The following SPECC1 variants were observed in gnomAD, a reference collection of about 807,000 sequenced individuals.
SPECC1 encodes the protein sperm antigen with calponin homology and coiled-coil domains 1.
A neutral mutation model predicts 104.1 loss-of-function variants in SPECC1; 62 were observed. That is an observed-to-expected ratio of 0.60 (90% confidence interval 0.49 to 0.74). The LOEUF is 0.74. SPECC1 is among the 30% of genes least tolerant of loss of function. SPECC1 has a pLI of 0.00. For synonymous variants in SPECC1, 513 were observed against 501.6 expected, an observed-to-expected ratio of 1.02 and a Z score of -0.30; for missense variants, 1,306 against 1,310.5, an observed-to-expected ratio of 1.00 and a Z score of 0.05.
chr17:20,021,682 TA>T (rs1201599807), intron 1 of SPECC1, among the ~76,000 whole-genome samples: 2 of 138,734 alleles, frequency 1.4e-5, no homozygotes, highest in Non-Finnish European at 3.1e-5. Flanking sequence ...TATAATATAA[TA>T]ATATATATAT....
rs1181490386 is a variant in SPECC1, at chr17:20,253,566, T to C, written c.2660T>C (p.Leu887Pro). 1 of 1,613,964 alleles carries C rather than the reference T, an allele frequency of 6.2e-7. No homozygotes were observed. The highest frequency in any genetic ancestry group is 8.5e-7 in the Non-Finnish European group (1 of 1,180,040). ...AGAGGGGTGACTCAACGCTTGGACC[T>C]TCCTGACCTTCCCCTCTCAGGTAAA... The part of the protein sequence containing the change: ...ASRGVTQRLD[L>P]PDLPLSDILK... The change falls in exon 10 of 15, where the codon CTT (leucine) becomes CCT (proline). Residue 887 changes from leucine (L) to proline (P), a missense_variant. By Grantham distance (98) the Leu-to-Pro change is moderately conservative. Coordinates refer to ENST00000395527, the MANE Select transcript of SPECC1 (RefSeq NM_001243439.2).
At chr17:20,173,474 A>G (rs925232956) in intron 3 of SPECC1, among the ~76,000 whole-genome samples, 17 of 152,240 alleles carry the variant, frequency 1.1e-4, no homozygotes, top group African/African-American at 4.1e-4. Flanking sequence ...ACCTGGGCTC[A>G]CAAATGATTA....
At chr17:20,280,322 C>T (rs572064818) in intron 12 of SPECC1, among the ~76,000 whole-genome samples, 1 of 152,318 alleles carries the variant, frequency 6.6e-6, no homozygotes, top group Admixed American at 6.5e-5. Flanking sequence ...CATTTTGTAT[C>T]CATTTTACAA....
intron 12 of SPECC1, among the ~76,000 whole-genome samples, chr17:20,294,642 A>G (rs916751651): frequency 3.2e-5 from 2 of 62,666 alleles, no homozygotes; most frequent in Admixed American, 1.7e-4. Context: ...GGTGGGGATG[A>G]TGGTCATGGT....
intron 1 of SPECC1, among the ~76,000 whole-genome samples, chr17:20,038,780 A>G (rs1175728912): frequency 3.3e-5 from 5 of 152,186 alleles, no homozygotes; most frequent in Admixed American, 2.0e-4. Context: ...TCAGAAATGA[A>G]TATCTTTGAC....
chr17:20,314,088 A>C lies in SPECC1; in HGVS notation c.*23A>C, dbSNP rs1411073870. 1.9e-6 allele frequency: 3 copies of C among 1,601,214 alleles called. No individual in the cohort carries two copies. Among genetic ancestry groups the C allele is most frequent in the Non-Finnish European group, 2.6e-6 (3 of 1,169,616 alleles). ...TAACCCTGGAGGGCCTGGGGCAGCC[A>C]CCATTGCCACCTACTGCAGCTTTTC... is the stretch of plus-strand genomic sequence containing the variant. On this transcript the variant is annotated 3_prime_UTR_variant, in exon 15 of 15. Coordinates refer to ENST00000395527, the MANE Select transcript of SPECC1 (RefSeq NM_001243439.2).
At chr17:20,303,998 G>A (rs1405992400) in intron 13 of SPECC1, among the ~76,000 whole-genome samples, 3 of 151,086 alleles carry the variant, frequency 2.0e-5, no homozygotes, top group Admixed American at 6.6e-5. Context: ...ATGGCCAGGT[G>A]CCATAGCTCA....
chr17:20,279,764 G>A (rs2040704591), intron 12 of SPECC1, among the ~76,000 whole-genome samples: 1 of 152,186 alleles, frequency 6.6e-6, no homozygotes, highest in African/African-American at 2.4e-5. Flanking sequence ...TAAAAACCAT[G>A]GTGACAGGTG....
intron 3 of SPECC1, among the ~76,000 whole-genome samples, chr17:20,157,294 A>G (rs2032676720): frequency 6.6e-6 from 1 of 152,098 alleles, no homozygotes; most frequent in Admixed American, 6.5e-5. Flanking sequence ...CTGGTACCAC[A>G]GCCAGGATGG....
chr17:20,154,077 A>G (rs2032248238), intron 3 of SPECC1, among the ~76,000 whole-genome samples: 1 of 152,246 alleles, frequency 6.6e-6, no homozygotes, highest in South Asian at 2.1e-4. Context: ...CTATACTACC[A>G]CTAAAAAGAA....
intron 1 of SPECC1, among the ~76,000 whole-genome samples, chr17:20,094,806 C>T (rs1250393249): frequency 6.6e-6 from 1 of 152,070 alleles, no homozygotes; most frequent in African/African-American, 2.4e-5. Flanking sequence ...TGCTATGTTG[C>T]CCAGGCTGGT....
chr17:20,148,909 CG>C (rs1294583014), intron 3 of SPECC1, among the ~76,000 whole-genome samples: 1 of 151,904 alleles, frequency 6.6e-6, no homozygotes, highest in African/African-American at 2.4e-5. Flanking sequence ...TTAGTAGAGA[CG>C]GGGTTTCACC....
chr17:20,218,108 C>A (rs545016643), intron 4 of SPECC1, among the ~76,000 whole-genome samples: 1 of 152,176 alleles, frequency 6.6e-6, no homozygotes, highest in Non-Finnish European at 1.5e-5. Context: ...ATATATTGGT[C>A]TTTCATGTAT....
intron 3 of SPECC1, among the ~76,000 whole-genome samples, chr17:20,183,936 C>T (rs945129259): frequency 1.3e-5 from 2 of 151,340 alleles, no homozygotes; most frequent in Non-Finnish European, 2.9e-5. Flanking sequence ...TTTGGGAGGC[C>T]GAGGCAGGCG....
At chr17:20,073,432 A>G (rs1208278191) in intron 1 of SPECC1, 1 of 152,248 alleles carries the variant, frequency 6.6e-6, no homozygotes, top group Non-Finnish European at 1.5e-5. Context: ...GGATGGAAAT[A>G]TGATTTTGCA....
At chr17:20,035,905 A>C (rs1597595460) in intron 1 of SPECC1, among the ~76,000 whole-genome samples, 1 of 151,904 alleles carries the variant, frequency 6.6e-6, no homozygotes, top group South Asian at 2.1e-4. Flanking sequence ...CAACACTGCA[A>C]CCTCTGCCTC....
intron 1 of SPECC1, among the ~76,000 whole-genome samples, chr17:20,011,895 T>C (rs1275136352): frequency 6.6e-6 from 1 of 152,200 alleles, no homozygotes; most frequent in Non-Finnish European, 1.5e-5. Context: ...TTTCTTCACT[T>C]TCCATTCCTT....
chr17:20,305,903 T>TA (rs2041746637), intron 13 of SPECC1, 120 bp from the exon 14 acceptor site: 1 of 837,686 alleles, frequency 1.2e-6, no homozygotes, highest in East Asian at 2.7e-5. Flanking sequence ...ACACTTGACT[T>TA]ACTATTCTTC....
chr17:20,210,998 A>AGCTCT (rs1373899496), intron 4 of SPECC1, among the ~76,000 whole-genome samples: 2 of 152,130 alleles, frequency 1.3e-5, no homozygotes, highest in African/African-American at 4.8e-5. Flanking sequence ...CGAGGCATTC[A>AGCTCT]GCTCTGCGGG....
Sources: gnomAD v4.1 joint callset for allele counts (sites outside exome capture counted in the v4.1 genomes callset) on GRCh38, gnomAD v4.1.1 for gene constraint, MANE v1.5 for transcripts, NCBI Gene and HGNC (gene_info 2026-07-23, HGNC 2026-07-21) for gene names.